The following USP49 variants were observed in gnomAD, a reference collection of about 807,000 sequenced individuals.
The protein encoded by USP49 is ubiquitin carboxyl-terminal hydrolase 49.
A neutral mutation model predicts 58.6 loss-of-function variants in USP49; 24 were observed. The observed-to-expected ratio is 0.41, with a 90% CI of 0.30 to 0.58. The LOEUF (loss-of-function observed/expected upper bound fraction) is 0.58, where lower values mean the gene tolerates loss of function less well. USP49 is among the 20% of genes least tolerant of loss of function. The probability of loss-of-function intolerance (pLI) is 0.30; values close to 1 mark genes in which losing one functional copy is unlikely to be tolerated. For missense variants in USP49, 703 were observed against 866.1 expected, an observed-to-expected ratio of 0.81 and a Z score of 2.36; for synonymous variants, 408 against 365.1, an observed-to-expected ratio of 1.12 and a Z score of -1.34.
At chr6:41,878,282 G>A (rs893972276) in intron 2 of USP49, among the ~76,000 whole-genome samples, 2 of 152,116 alleles carry the variant, frequency 1.3e-5, no homozygotes, top group African/African-American at 2.4e-5. Flanking sequence ...TCATCATTCA[G>A]GTAGAATTCA....
intron 3 of USP49, among the ~76,000 whole-genome samples, chr6:41,815,876 G>A (rs1201231908): frequency 6.6e-6 from 1 of 152,238 alleles, no homozygotes; most frequent in East Asian, 1.9e-4. Context: ...TACAGCAGAT[G>A]TAAGGTTATG....
intron 2 of USP49, among the ~76,000 whole-genome samples, chr6:41,875,068 T>C (rs1424069318): frequency 1.3e-5 from 2 of 152,146 alleles, no homozygotes; most frequent in Non-Finnish European, 2.9e-5. Flanking sequence ...TGCCCATTCT[T>C]TGATAGCTCC....
chr6:41,822,935 T>C (rs1002719810), intron 3 of USP49, among the ~76,000 whole-genome samples: 1 of 151,890 alleles, frequency 6.6e-6, no homozygotes, highest in African/African-American at 2.4e-5. Flanking sequence ...AAGGAGAACA[T>C]TGGAAGCTAC....
intron 2 of USP49, among the ~76,000 whole-genome samples, chr6:41,882,273 T>C (rs1774622080): frequency 6.6e-6 from 1 of 152,162 alleles, no homozygotes; most frequent in South Asian, 2.1e-4. Context: ...CTCTACTAAC[T>C]GTGCCCCCTT....
intron 2 of USP49, among the ~76,000 whole-genome samples, chr6:41,879,995 A>G (rs1774575071): frequency 6.6e-6 from 1 of 152,218 alleles, no homozygotes; most frequent in Non-Finnish European, 1.5e-5. Context: ...AAATTCCCTA[A>G]ATGAAAGATC....
intron 3 of USP49, among the ~76,000 whole-genome samples, chr6:41,870,705 T>TTTTTTG (rs1774399321): frequency 6.7e-6 from 1 of 149,552 alleles, no homozygotes; most frequent in Admixed American, 6.7e-5. Flanking sequence ...TTTTTTTTTT[T>TTTTTTG]GGTAGAGATG....
intron 3 of USP49, among the ~76,000 whole-genome samples, chr6:41,864,227 T>C (rs1439658720): frequency 1.3e-5 from 2 of 152,214 alleles, no homozygotes; most frequent in East Asian, 3.9e-4. Flanking sequence ...CCTCTTAAAA[T>C]CACAATAAAG....
intron 3 of USP49, among the ~76,000 whole-genome samples, chr6:41,807,581 C>T (rs1449284525): frequency 6.6e-6 from 1 of 151,946 alleles, no homozygotes; most frequent in Non-Finnish European, 1.5e-5. Flanking sequence ...TCTGGGATTA[C>T]TGACGCCACG....
intron 3 of USP49, among the ~76,000 whole-genome samples, chr6:41,835,722 A>AC (rs1773713852): frequency 6.8e-6 from 1 of 147,614 alleles, no homozygotes. Flanking sequence ...AAAAAAACAG[A>AC]AAAAAAAACA....
At chr6:41,857,519 G>A (rs962257487) in intron 3 of USP49, among the ~76,000 whole-genome samples, 8 of 152,154 alleles carry the variant, frequency 5.3e-5, no homozygotes, top group African/African-American at 1.9e-4. Context: ...AGTGGTGCAT[G>A]CTTGTAGTCC....
chr6:41,799,451 G>A (rs118022856), intron 6 of USP49, among the ~76,000 whole-genome samples: 2 of 152,298 alleles, frequency 1.3e-5, no homozygotes, highest in East Asian at 3.9e-4. Flanking sequence ...TAAACCTAGA[G>A]ATCCCTAAAC....
intron 3 of USP49, among the ~76,000 whole-genome samples, chr6:41,861,277 A>G (rs1774217881): frequency 6.6e-6 from 1 of 151,298 alleles, no homozygotes; most frequent in South Asian, 2.1e-4. Flanking sequence ...CCCTGTCTCT[A>G]CTAAAAATAC....
intron 7 of USP49, 153 bp downstream of exon 7, chr6:41,798,571 C>T: frequency 1.3e-6 from 2 of 1,553,598 alleles, no homozygotes; most frequent in Non-Finnish European, 1.7e-6. Context: ...CCACGGCGCC[C>T]AACCCAATTT....
At chr6:41,842,196 G>A (rs1411022542) in intron 3 of USP49, among the ~76,000 whole-genome samples, 2 of 151,850 alleles carry the variant, frequency 1.3e-5, no homozygotes, top group Non-Finnish European at 2.9e-5. Flanking sequence ...AAATAATTAT[G>A]TGCATGGTAG....
At chr6:41,887,785 C>A (rs954923711) in intron 2 of USP49, among the ~76,000 whole-genome samples, 1 of 152,110 alleles carries the variant, frequency 6.6e-6, no homozygotes, top group Non-Finnish European at 1.5e-5. Context: ...CACTAATTAG[C>A]TCAATAAAAG....
intron 3 of USP49, among the ~76,000 whole-genome samples, chr6:41,824,389 A>C (rs1255052283): frequency 6.6e-6 from 1 of 151,996 alleles, no homozygotes; most frequent in Non-Finnish European, 1.5e-5. Context: ...AAGGATAATA[A>C]AAGTCCAATT....
At chr6:41,827,046 T>C (rs1357059212) in intron 3 of USP49, among the ~76,000 whole-genome samples, 2 of 152,138 alleles carry the variant, frequency 1.3e-5, no homozygotes, top group Admixed American at 6.5e-5. Flanking sequence ...AAAACCAAAA[T>C]TGATTTTCCA....
intron 3 of USP49, among the ~76,000 whole-genome samples, chr6:41,808,681 A>AT (rs1773188294): frequency 6.6e-6 from 1 of 152,162 alleles, no homozygotes; most frequent in Non-Finnish European, 1.5e-5. Flanking sequence ...AAGTGCTGCG[A>AT]TTATAGGTGT....
At chr6:41,812,477 A>G (rs1233606873) in intron 3 of USP49, among the ~76,000 whole-genome samples, 1 of 151,546 alleles carries the variant, frequency 6.6e-6, no homozygotes, top group East Asian at 2.0e-4. Flanking sequence ...GCGGATCACG[A>G]GGTCAGGAGA....
Sources: gnomAD v4.1 joint callset for allele counts (sites outside exome capture counted in the v4.1 genomes callset) on GRCh38, gnomAD v4.1.1 for gene constraint, MANE v1.5 for transcripts, NCBI Gene and HGNC (gene_info 2026-07-23, HGNC 2026-07-21) for gene names.